Variants in TBCK observed in about 807,000 individuals in gnomAD.
TBCK encodes TBC domain-containing protein kinase-like protein.
In TBCK, 99 loss-of-function variants were observed where a neutral mutation model predicts 113.4. The observed-to-expected ratio is 0.87, with a 90% CI of 0.74 to 1.03. TBCK has a LOEUF of 1.03. Ranked by LOEUF, TBCK falls within the 50% of genes least tolerant of loss-of-function variation. TBCK has a pLI of 0.00. For synonymous variants in TBCK, 369 were observed against 370.8 expected (o/e 1.00, Z 0.05); for missense variants, 1,045 against 1,061.3 (o/e 0.98, Z 0.21).
chr4:106,265,286 A>C (rs931717525), intron 3 of TBCK, among the ~76,000 whole-genome samples: 2 of 151,886 alleles, frequency 1.3e-5, no homozygotes, highest in African/African-American at 4.8e-5. Flanking sequence ...TATATCTATG[A>C]GGTACATGAG....
chr4:106,241,015 G>A (rs976768490), intron 12 of TBCK, among the ~76,000 whole-genome samples: 18 of 152,104 alleles, frequency 1.2e-4, no homozygotes, highest in African/African-American at 3.9e-4. Flanking sequence ...ATGAATAGGT[G>A]TGACTTGATT....
chr4:106,179,406 T>C (rs1451163034), intron 22 of TBCK, among the ~76,000 whole-genome samples: 1 of 152,040 alleles, frequency 6.6e-6, no homozygotes, highest in Non-Finnish European at 1.5e-5. Flanking sequence ...GAACTGTTTT[T>C]GCTGTATCCC....
chr4:106,083,489 G>A (rs1183319364), intron 25 of TBCK, among the ~76,000 whole-genome samples: 1 of 152,210 alleles, frequency 6.6e-6, no homozygotes, highest in African/African-American at 2.4e-5. Context: ...CTGCAGACCA[G>A]CCAACTTAGC....
chr4:106,120,091 G>A (rs1031197157), intron 23 of TBCK, among the ~76,000 whole-genome samples: 6 of 152,270 alleles, frequency 3.9e-5, no homozygotes, highest in Non-Finnish European at 7.4e-5. Context: ...GACAGTGGGC[G>A]CAGGTAAATG....
intron 25 of TBCK, among the ~76,000 whole-genome samples, chr4:106,083,858 A>T (rs1278143656): frequency 3.9e-5 from 6 of 152,338 alleles, no homozygotes; most frequent in Non-Finnish European, 7.3e-5. Flanking sequence ...GGACTTGACT[A>T]TTGAAACAAA....
At position 106,044,241 on chromosome 4, in the gene TBCK, T is replaced by C. The variant is rs953162772; in HGVS notation, c.*2329A>G. 10 of 152,128 alleles carry C rather than the reference T, an allele frequency of 6.6e-5. No homozygotes were observed. Among genetic ancestry groups the C allele is most frequent in the African/African-American group, 2.4e-4 (10 of 41,426 alleles). The allele number at this position is 152,128 out of a possible 1,614,324, so 9.4% of individuals were successfully genotyped here. On this transcript the variant is annotated 3_prime_UTR_variant, in exon 26 of 26. Transcript: ENST00000394708. Reference sequence around the variant, plus strand: ...TTTCTCAGTAAGGCAGAGTTAAGACTCAGAATGATCATCAATGGTGCATTC... The same window carrying C: ...TTTCTCAGTAAGGCAGAGTTAAGACCCAGAATGATCATCAATGGTGCATTC...
At chr4:106,137,842 G>A (rs545490931) in intron 23 of TBCK, among the ~76,000 whole-genome samples, 1 of 140,314 alleles carries the variant, frequency 7.1e-6, no homozygotes, top group South Asian at 2.4e-4. Context: ...ATGTACTCTG[G>A]AAAAATTGTG....
chr4:106,186,898 T>G (rs1753083529), intron 22 of TBCK, among the ~76,000 whole-genome samples: 1 of 152,174 alleles, frequency 6.6e-6, no homozygotes, highest in African/African-American at 2.4e-5. Flanking sequence ...TTATTCCCTC[T>G]CGAGTTAATC....
intron 25 of TBCK, among the ~76,000 whole-genome samples, chr4:106,084,642 A>G (rs1055558180): frequency 6.6e-6 from 1 of 152,188 alleles, no homozygotes; most frequent in Non-Finnish European, 1.5e-5. Flanking sequence ...TAATCATTAG[A>G]TTCTCCAAGG....
chr4:106,259,948 C>A (rs1281653665), intron 5 of TBCK, among the ~76,000 whole-genome samples: 1 of 151,912 alleles, frequency 6.6e-6, no homozygotes, highest in Non-Finnish European at 1.5e-5. Flanking sequence ...TGAACTTAAA[C>A]ATAGACTTTC....
chr4:106,149,215 A>T (rs947162658), intron 23 of TBCK, among the ~76,000 whole-genome samples: 1 of 152,210 alleles, frequency 6.6e-6, no homozygotes, highest in Non-Finnish European at 1.5e-5. Flanking sequence ...AACTTTCTCC[A>T]TATCAGCAGG....
chr4:106,282,628 G>C (rs1229716131), intron 3 of TBCK, among the ~76,000 whole-genome samples: 2 of 152,012 alleles, frequency 1.3e-5, no homozygotes, highest in Non-Finnish European at 2.9e-5. Context: ...ATTGTTTCAA[G>C]AAATTTTTCA....
At chr4:106,151,453 A>G (rs1748476645) in intron 23 of TBCK, among the ~76,000 whole-genome samples, 1 of 152,056 alleles carries the variant, frequency 6.6e-6, no homozygotes, top group Non-Finnish European at 1.5e-5. Context: ...AATAAGTGAG[A>G]ACACACAAAG....
chr4:106,119,113 G>T (rs950604427), intron 23 of TBCK, among the ~76,000 whole-genome samples: 2 of 151,936 alleles, frequency 1.3e-5, no homozygotes, highest in African/African-American at 4.8e-5. Context: ...TTTCCACTTA[G>T]AGGCATAAAA....
intron 24 of TBCK, among the ~76,000 whole-genome samples, chr4:106,102,666 T>G (rs913334616): frequency 6.6e-6 from 1 of 152,058 alleles, no homozygotes; most frequent in Non-Finnish European, 1.5e-5. Flanking sequence ...AAACTTCACC[T>G]ATAATGAAGA....
At chr4:106,146,371 C>T (rs1028657981) in intron 23 of TBCK, among the ~76,000 whole-genome samples, 3 of 152,030 alleles carry the variant, frequency 2.0e-5, no homozygotes, top group Non-Finnish European at 4.4e-5. Flanking sequence ...TGCATGTTCT[C>T]TTATAAGTGG....
intron 2 of TBCK, among the ~76,000 whole-genome samples, chr4:106,308,051 C>A (rs1355226080): frequency 2.0e-5 from 3 of 151,966 alleles, no homozygotes; most frequent in African/African-American, 7.2e-5. Context: ...TTAGATAATT[C>A]TTCTAAAGTT....
chr4:106,291,971 G>T (rs952937053), intron 3 of TBCK, among the ~76,000 whole-genome samples: 1 of 152,162 alleles, frequency 6.6e-6, no homozygotes, highest in Non-Finnish European at 1.5e-5. Context: ...TTTTTCAGGA[G>T]GATATGCATG....
chr4:106,247,150 T>G lies in TBCK; in HGVS notation c.920A>C (p.Gln307Pro), dbSNP rs369301091. The G allele has an allele frequency of 1.2e-6, 2 of 1,612,522 alleles. No homozygotes were observed. The highest frequency in any genetic ancestry group is 1.7e-6 in the Non-Finnish European group (2 of 1,179,452). Residue 307 changes from glutamine (Q) to proline (P), a missense_variant, in exon 10 of 26, where the codon CAG becomes CCG. Gln to Pro is a moderately conservative substitution (Grantham distance 76). Coordinates refer to ENST00000394708, the MANE Select transcript of TBCK (RefSeq NM_001163435.3). ...ADLTLPEDIS[Q>P]LCKDINNDYL... The stretch of plus-strand genomic sequence containing the variant: ...TAATTTATCATTACCTTTACACAAC[T>G]GACTGATATCCTCAGGCAGAGTTAA...
Sources: gnomAD v4.1 joint callset for allele counts (sites outside exome capture counted in the v4.1 genomes callset) on GRCh38, gnomAD v4.1.1 for gene constraint, MANE v1.5 for transcripts, NCBI Gene and HGNC (gene_info 2026-07-23, HGNC 2026-07-21) for gene names.